The following FBN1 variants were observed in gnomAD, a reference collection of about 807,000 sequenced individuals.
The protein encoded by FBN1 is fibrillin-1.
FBN1 carries 29 observed loss-of-function variants against 365.1 expected under a neutral mutation model. The observed-to-expected ratio is 0.08, with a 90% CI of 0.06 to 0.11. The LOEUF is 0.11. Ranked by LOEUF, FBN1 falls within the 10% of genes least tolerant of loss-of-function variation. The pLI is 1.00. For synonymous variants in FBN1, 1,210 were observed against 1,270.5 expected (o/e 0.95, Z 1.01); for missense variants, 2,476 against 3,703.2 (o/e 0.67, Z 8.60).
intron 6 of FBN1, among the ~76,000 whole-genome samples, chr15:48,570,508 G>A (rs16961165): frequency 0.081 from 12,262 of 150,808 alleles, 1,741 homozygotes; most frequent in African/African-American, 0.29. Flanking sequence ...AGATACTCAC[G>A]TAACTTCAGA....
intron 5 of FBN1, among the ~76,000 whole-genome samples, chr15:48,598,148 T>C (rs185094234): frequency 6.6e-6 from 1 of 152,328 alleles, no homozygotes; most frequent in Admixed American, 6.5e-5. Flanking sequence ...ATAAGGTTGG[T>C]ATTTCACAAG....
In FBN1 at chr15:48,455,246, C is replaced by T. The variant is rs1230410703; in HGVS notation, c.5422+1391G>A. ...TTATCTCAATATCCACAGAATGCTA[C>T]CCTGACAGCAAAATGCCTTGCATTG... is the stretch of plus-strand genomic sequence containing the variant. On this transcript the variant is annotated intron_variant, in intron 44 of 65. Coordinates refer to ENST00000316623, the MANE Select transcript of FBN1 (RefSeq NM_000138.5). Among the ~76,000 whole-genome samples the T allele has an allele frequency of 3.3e-5, 5 of 152,330 alleles. No homozygotes were observed. In the East Asian group the frequency reaches 7.7e-4, roughly 24 times the overall value.
intron 2 of FBN1, among the ~76,000 whole-genome samples, chr15:48,623,318 T>A (rs1425758564): frequency 6.6e-6 from 1 of 152,236 alleles, no homozygotes; most frequent in Non-Finnish European, 1.5e-5. Context: ...ATTTAACACG[T>A]CTTTGAAAGG....
At position 48,432,738 on chromosome 15, in the gene FBN1, C is replaced by A. The variant is rs1419323696; in HGVS notation, c.6739+128G>T. The A allele has an allele frequency of 3.2e-6, 4 of 1,239,974 alleles. No individual in the cohort carries two copies. In the South Asian group the frequency reaches 3.7e-5, roughly 11 times the overall value. 76.8% of individuals were successfully genotyped at this position (1,239,974 alleles called of 1,614,324 possible). A position where few individuals can be genotyped will look rare whatever the true frequency, so the allele number is the denominator to read the frequency against. On this transcript the variant is annotated intron_variant, in intron 55 of 65. Transcript: ENST00000316623. Reference sequence around the variant, plus strand: ...TAGGGGGAAACGTGGCAGTGACAACCCCCGTATTGTCCACGGACTATTTAT... The same window carrying A: ...TAGGGGGAAACGTGGCAGTGACAACACCCGTATTGTCCACGGACTATTTAT...
At chr15:48,462,635 A>G (rs1387468276) in intron 42 of FBN1, among the ~76,000 whole-genome samples, 3 of 152,078 alleles carry the variant, frequency 2.0e-5, no homozygotes, top group African/African-American at 7.2e-5. Context: ...CTTGTTTGCC[A>G]TTTGCCTTAT....
intron 17 of FBN1, among the ~76,000 whole-genome samples, chr15:48,502,699 C>G (rs2043671381): frequency 6.6e-6 from 1 of 152,104 alleles, no homozygotes; most frequent in Non-Finnish European, 1.5e-5. Context: ...CTGGACAGGA[C>G]CTTTTGGATT....
Position 48,425,513 on chromosome 15 carries a change from G to A in FBN1, c.7331-22C>T, listed in dbSNP as rs183006980. 6.8e-5 allele frequency: 109 copies of A among 1,613,838 alleles called. 1 individual carries two copies. Among genetic ancestry groups the A allele is most frequent in the South Asian group, 5.9e-4 (54 of 91,076 alleles). On this transcript the variant is annotated intron_variant, in intron 59 of 65. Coordinates refer to ENST00000316623, the MANE Select transcript of FBN1 (RefSeq NM_000138.5). Reference sequence around the variant, plus strand: ...AGATCTATGATCAAAGAAATACAGCGTGACTGTGCATCTAAAAATGATGTG... The same window carrying A: ...AGATCTATGATCAAAGAAATACAGCATGACTGTGCATCTAAAAATGATGTG...
intron 41 of FBN1, 115 bp downstream of exon 41, chr15:48,463,784 G>T: frequency 1.7e-6 from 2 of 1,165,834 alleles, no homozygotes; most frequent in South Asian, 1.3e-5. Context: ...ACAGTGAAGG[G>T]ATGCCAGCAC....
intron 6 of FBN1, among the ~76,000 whole-genome samples, chr15:48,592,703 T>C (rs901873152): frequency 1.3e-5 from 2 of 152,014 alleles, no homozygotes; most frequent in African/African-American, 4.8e-5. Flanking sequence ...TTAAAAAAAA[T>C]AAAGACACAA....
intron 24 of FBN1, among the ~76,000 whole-genome samples, chr15:48,490,389 C>T (rs2043548211): frequency 6.6e-6 from 1 of 152,142 alleles, no homozygotes. Context: ...TGTTTTTCTC[C>T]TGTACAGAAA....
At position 48,460,270 on chromosome 15, in the gene FBN1, C is replaced by T. The variant is rs1414735771; in HGVS notation, c.5272G>A (p.Asp1758Asn). 3.7e-6 allele frequency: 6 copies of T among 1,613,540 alleles called. No individual in the cohort carries two copies. Among genetic ancestry groups the T allele is most frequent in the Middle Eastern group, 1.7e-4 (1 of 6,060 alleles). ...CGSQRPGFVI[D>N]IYTGLPVDID... is the part of the protein sequence containing the mutation. Reference sequence around the variant, plus strand: ...CCAACGGGTAAACCGGTATAAATGTCGATGACAAAGCCTGGCCTTTGACTT... The same window carrying T: ...CCAACGGGTAAACCGGTATAAATGTTGATGACAAAGCCTGGCCTTTGACTT... The change falls in exon 43 of 66, where the codon GAC becomes AAC. Residue 1758 changes from aspartate to asparagine, a missense_variant. By Grantham distance (23) the Asp-to-Asn change is conservative. Coordinates refer to ENST00000316623, the MANE Select transcript of FBN1 (RefSeq NM_000138.5).
intron 6 of FBN1, among the ~76,000 whole-genome samples, chr15:48,586,569 A>T (rs1185489569): frequency 6.6e-6 from 1 of 152,192 alleles, no homozygotes; most frequent in Non-Finnish European, 1.5e-5. Context: ...CTAGGAAGTT[A>T]TCGGTATTTA....
At chr15:48,480,737 ATATT>A (rs1217838318) in intron 32 of FBN1, among the ~76,000 whole-genome samples, 2 of 152,168 alleles carry the variant, frequency 1.3e-5, no homozygotes, top group African/African-American at 4.8e-5. Flanking sequence ...AAATATTTTA[ATATT>A]TGTTTTAAGT....
chr15:48,622,381 C>T (rs1889786182), intron 2 of FBN1, among the ~76,000 whole-genome samples: 1 of 152,148 alleles, frequency 6.6e-6, no homozygotes, highest in South Asian at 2.1e-4. Flanking sequence ...GCATGGTAAG[C>T]TCAGAAGAGG....
At chr15:48,605,738 G>A (rs1434223634) in intron 4 of FBN1, among the ~76,000 whole-genome samples, 2 of 152,114 alleles carry the variant, frequency 1.3e-5, no homozygotes, top group Non-Finnish European at 2.9e-5. Flanking sequence ...AGTGGGGCAT[G>A]GTGGTGTGCC....
chr15:48,602,552 G>T (rs2044575671), intron 4 of FBN1, among the ~76,000 whole-genome samples: 1 of 152,156 alleles, frequency 6.6e-6, no homozygotes, highest in African/African-American at 2.4e-5. Context: ...TGTCCATTGT[G>T]TCCGAGGCAC....
chr15:48,539,707 A>T (rs943599892), intron 6 of FBN1, among the ~76,000 whole-genome samples: 1 of 152,112 alleles, frequency 6.6e-6, no homozygotes, highest in African/African-American at 2.4e-5. Flanking sequence ...AGACAAGCCT[A>T]AGACCTCTGT....
At chr15:48,470,796 AT>A in intron 35 of FBN1, 40 bp from the exon 36 acceptor site, 1 of 1,598,872 alleles carries the variant, frequency 6.3e-7, no homozygotes, top group Non-Finnish European at 8.5e-7. Context: ...CTTAACTTAT[AT>A]TTTTCTAAAA....
intron 6 of FBN1, among the ~76,000 whole-genome samples, chr15:48,559,709 C>G (rs2044209455): frequency 6.6e-6 from 1 of 152,150 alleles, no homozygotes; most frequent in Non-Finnish European, 1.5e-5. Context: ...TGGATTCACT[C>G]TGGCATCGGA....
Sources: gnomAD v4.1 joint callset for allele counts (sites outside exome capture counted in the v4.1 genomes callset) on GRCh38, gnomAD v4.1.1 for gene constraint, MANE v1.5 for transcripts, NCBI Gene and HGNC (gene_info 2026-07-23, HGNC 2026-07-21) for gene names.